The following NUP214 variants were observed in gnomAD, a reference collection of about 807,000 sequenced individuals.
The protein encoded by NUP214 is nuclear pore complex protein Nup214.
In NUP214, 79 loss-of-function variants were observed where a neutral mutation model predicts 196.2. The observed-to-expected ratio is 0.40, with a 90% CI of 0.34 to 0.49. The LOEUF (loss-of-function observed/expected upper bound fraction) is 0.49, where lower values mean the gene tolerates loss of function less well. Ranked by LOEUF, NUP214 falls within the 20% of genes least tolerant of loss-of-function variation. NUP214 has a pLI of 0.58. For missense variants in NUP214, 2,468 were observed against 2,539.0 expected, an observed-to-expected ratio of 0.97 and a Z score of 0.60; for synonymous variants, 1,020 against 990.5, an observed-to-expected ratio of 1.03 and a Z score of -0.56.
chr9:131,233,597 C>G lies in NUP214; in HGVS notation c.*110C>G, dbSNP rs764403742. The G allele has an allele frequency of 8.4e-7, 1 of 1,191,158 alleles. No homozygotes were observed. The highest frequency in any genetic ancestry group is 1.2e-6 in the Non-Finnish European group (1 of 815,492). 73.8% of individuals were successfully genotyped at this position (1,191,158 alleles called of 1,614,324 possible). On this transcript the variant is annotated 3_prime_UTR_variant, in exon 36 of 36. Coordinates refer to ENST00000359428, the MANE Select transcript of NUP214 (RefSeq NM_005085.4). ...ACCGACGTTGCCATCAAAACACATA[C>G]ACCCAGAAAGAAACAACAGAAACCA...
At chr9:131,165,680 C>T (rs369817768) in intron 21 of NUP214, among the ~76,000 whole-genome samples, 1 of 152,300 alleles carries the variant, frequency 6.6e-6, no homozygotes, top group Non-Finnish European at 1.5e-5. Context: ...TATCCATGCT[C>T]ATGACAGCAT....
At chr9:131,135,388 A>G (rs866052573) in intron 8 of NUP214, 10 of 191,550 alleles carry the variant, frequency 5.2e-5, no homozygotes, top group Middle Eastern at 4.0e-3. Flanking sequence ...TTTCCATTAC[A>G]GAGGAAAATG....
intron 33 of NUP214, 87 bp downstream of exon 33, chr9:131,228,418 G>T: frequency 7.3e-7 from 1 of 1,361,052 alleles, no homozygotes; most frequent in South Asian, 1.4e-5. Context: ...AAAGAAATTT[G>T]ACCATGAGGT....
At chr9:131,215,053 G>C (rs1480828962) in intron 30 of NUP214, among the ~76,000 whole-genome samples, 159 bp from the exon 31 acceptor site, 2 of 152,206 alleles carry the variant, frequency 1.3e-5, no homozygotes, top group Non-Finnish European at 2.9e-5. Context: ...TCCCTGTCCA[G>C]AGTCTAGCTT....
chr9:131,164,794 A>T (rs946262217), intron 21 of NUP214: 1 of 152,122 alleles, frequency 6.6e-6, no homozygotes, highest in African/African-American at 2.4e-5. Context: ...GAAGCCATAA[A>T]TTTTTTTCCC....
At chr9:131,164,377 AG>A (rs1219021330) in intron 21 of NUP214, 1 of 528,600 alleles carries the variant, frequency 1.9e-6, no homozygotes, top group Non-Finnish European at 3.4e-6. Context: ...GCAGCAAAGT[AG>A]TCGTTTTGGC....
Position 131,198,409 on chromosome 9 carries a change from A to G in NUP214, c.4915A>G (p.Thr1639Ala), listed in dbSNP as rs774381523. 2 of 1,614,228 alleles carry G rather than the reference A, an allele frequency of 1.2e-6. No individual in the cohort carries two copies. Among genetic ancestry groups the G allele is most frequent in the South Asian group, 2.2e-5 (2 of 91,084 alleles). ...AGAGGCAGCAGCATTTGGTACCGTC[A>G]CTTCTGGCTCATCCGTCTTTGCTCA... ...SAEAAAFGTV[T>A]SGSSVFAQPP... is the part of the protein sequence containing the mutation. The change falls in exon 29 of 36, where the codon ACT (threonine) becomes GCT (alanine). Residue 1639 changes from threonine (T) to alanine (A), a missense_variant. This residue lies in a region of NUP214 where 1,801 missense variants were observed against 1,779.4 expected (regional missense o/e 1.01). Coordinates refer to ENST00000359428, the MANE Select transcript of NUP214 (RefSeq NM_005085.4).
intron 4 of NUP214, among the ~76,000 whole-genome samples, chr9:131,130,391 C>T (rs116194656): frequency 0.01 from 1,540 of 151,970 alleles, 19 homozygotes; most frequent in African/African-American, 0.035. Context: ...GTGATCCGTC[C>T]GTCTCATCCT....
intron 21 of NUP214, among the ~76,000 whole-genome samples, chr9:131,170,789 G>GTTATTATTATTATTA (rs1253819409): frequency 4.4e-5 from 5 of 112,512 alleles, no homozygotes; most frequent in African/African-American, 1.7e-4. Context: ...CAGTCCTTTT[G>GTTATTATTATTATTA]TTATTATTAT....
At chr9:131,178,557 C>T (rs1833180071) in intron 24 of NUP214, 147 bp downstream of exon 24, 1 of 610,796 alleles carries the variant, frequency 1.6e-6, no homozygotes, top group Admixed American at 2.9e-5. Flanking sequence ...AGCCTGCCTA[C>T]ACAATGCATT....
intron 29 of NUP214, among the ~76,000 whole-genome samples, chr9:131,200,217 G>T (rs1833902499): frequency 6.6e-6 from 1 of 152,220 alleles, no homozygotes; most frequent in Non-Finnish European, 1.5e-5. Flanking sequence ...TATCTGAGCT[G>T]TCTACTTCAG....
At chr9:131,228,132 T>G in intron 32 of NUP214, 28 bp from the exon 33 acceptor site, 1 of 1,530,768 alleles carries the variant, frequency 6.5e-7, no homozygotes, top group Non-Finnish European at 8.8e-7. Flanking sequence ...TCTCCCTATT[T>G]CTGTTTGTTT....
chr9:131,187,236 G>A (rs371671807), intron 24 of NUP214, 53 bp from the exon 25 acceptor site: 1 of 1,506,968 alleles, frequency 6.6e-7, no homozygotes, highest in African/African-American at 1.4e-5. Flanking sequence ...GAATGAATGT[G>A]ATTTTTACCT....
rs1333600346 is a variant in NUP214, at chr9:131,136,012, TCTC to T, written c.1005+7_1005+9del. 5.0e-6 allele frequency: 8 copies of T among 1,609,522 alleles called. No individual in the cohort carries two copies. In the African/African-American group the frequency reaches 6.7e-5, roughly 13 times the overall value. ...TTGCTCGACAAAGTGATCAGGTAAA[TCTC>T]TTTTTTGTCACTTCTGTGGTGCTTT... On this transcript the variant is annotated splice_region_variant and intron_variant, in intron 9 of 35. Coordinates refer to ENST00000359428, the MANE Select transcript of NUP214 (RefSeq NM_005085.4).
chr9:131,128,566 A>G (rs1831435485), intron 3 of NUP214, 83 bp downstream of exon 3: 4 of 1,223,418 alleles, frequency 3.3e-6, no homozygotes, highest in Non-Finnish European at 3.4e-6. Context: ...GAAGCTTCAT[A>G]GGTTAACCCT....
rs1171068192 is a variant in NUP214, at chr9:131,197,439, C to G, written c.3945C>G (p.Ser1315=). The change falls in exon 29 of 36, where the codon TCC becomes TCG. Residue 1315 remains serine, a synonymous_variant. Transcript: ENST00000359428. ...CTAGTAAGCTGGAAACCCCACCGTC[C>G]AAGCTGGGAGAGCTTCTGTTTCCAA... The part of the protein sequence containing the change: ...TTSSKLETPP[S]KLGELLFPSS... 1 of 1,614,166 alleles carries G rather than the reference C, an allele frequency of 6.2e-7. No individual in the cohort carries two copies. The highest frequency in any genetic ancestry group is 1.1e-5 in the South Asian group (1 of 91,082).
intron 17 of NUP214, among the ~76,000 whole-genome samples, chr9:131,153,799 C>T (rs772219875): frequency 3.3e-5 from 5 of 152,082 alleles, no homozygotes; most frequent in Non-Finnish European, 7.4e-5. Flanking sequence ...AGCCTGTGCT[C>T]GTACTCAAGA....
At chr9:131,165,150 T>G (rs1253187510) in intron 21 of NUP214, 1 of 152,070 alleles carries the variant, frequency 6.6e-6, no homozygotes, top group African/African-American at 2.4e-5. Flanking sequence ...ATTAGCTGAG[T>G]GCGGTGGCAT....
chr9:131,144,616 C>T lies in NUP214; in HGVS notation c.1631C>T (p.Ala544Val). 6.2e-7 allele frequency: 1 copy of T among 1,614,224 alleles called. No homozygotes were observed. Among genetic ancestry groups the T allele is most frequent in the South Asian group, 1.1e-5 (1 of 91,086 alleles). ...GCGTCTCCTGTGGCTCCATCAGCTGCTTCATTCTCCTTTGGATCATCTGGT... is the reference window on the plus strand; with the variant it reads ...GCGTCTCCTGTGGCTCCATCAGCTGTTTCATTCTCCTTTGGATCATCTGGT... ...PAASPVAPSAASFSFGSSGFK... is the reference protein window; with the variant it reads ...PAASPVAPSAVSFSFGSSGFK... Residue 544 changes from alanine to valine, a missense_variant, in exon 12 of 36, where the codon GCT becomes GTT. Physicochemically the swap from Ala to Val is moderately conservative, Grantham distance 64 (BLOSUM62 0). This residue lies in a region of NUP214 where 1,801 missense variants were observed against 1,779.4 expected (regional missense o/e 1.01). Transcript: ENST00000359428.
Sources: gnomAD v4.1 joint callset for allele counts (sites outside exome capture counted in the v4.1 genomes callset) on GRCh38, gnomAD v4.1.1 for gene constraint, gnomAD v4.1.1 regional missense constraint, MANE v1.5 for transcripts, NCBI Gene and HGNC (gene_info 2026-07-23, HGNC 2026-07-21) for gene names.